Variants in MTMR8 observed in about 807,000 individuals in gnomAD.
The protein encoded by MTMR8 is phosphatidylinositol-3,5-bisphosphate 3-phosphatase MTMR8.
In MTMR8, 65 loss-of-function variants were observed where a neutral mutation model predicts 39.3. The ratio of observed to expected loss-of-function variants is 1.65; its 90% confidence interval spans 1.35 to 2.03. The LOEUF (loss-of-function observed/expected upper bound fraction) is 2.03. Among genes scored for constraint, MTMR8 ranks in the 30% most tolerant of loss-of-function variants. The probability of loss-of-function intolerance (pLI) is 0.00; values close to 1 mark genes in which losing one functional copy is unlikely to be tolerated. For missense variants in MTMR8, 777 were observed against 538.9 expected (o/e 1.44, Z -4.37); for synonymous variants, 245 against 185.2 (o/e 1.32, Z -2.62).
chrX:64,348,853 C>T, intron 5 of MTMR8, 59 bp from the exon 6 acceptor site: 1 of 1,161,588 alleles, frequency 8.6e-7, no homozygotes, highest in East Asian at 3.0e-5. Flanking sequence ...AAAAATCTTT[C>T]TTGACCCTTG....
chrX:64,277,177 C>T (rs1259390354), intron 12 of MTMR8, among the ~76,000 whole-genome samples: 2 of 111,516 alleles, frequency 1.8e-5, no homozygotes, highest in Admixed American at 9.5e-5. Context: ...TACAGCACAC[C>T]AATGGGTCTT....
intron 12 of MTMR8, among the ~76,000 whole-genome samples, chrX:64,311,133 C>T (rs1032065233): frequency 1.8e-5 from 2 of 111,750 alleles, no homozygotes; most frequent in African/African-American, 3.3e-5. Context: ...TAAAAGCATT[C>T]CTATTTCTCC....
At chrX:64,353,105 A>T (rs929989676) in intron 4 of MTMR8, among the ~76,000 whole-genome samples, 2 of 112,035 alleles carry the variant, frequency 1.8e-5, no homozygotes, top group Admixed American at 9.5e-5. Flanking sequence ...ATTTGGGGGA[A>T]ATAAGTCTCT....
intron 12 of MTMR8, among the ~76,000 whole-genome samples, chrX:64,310,631 C>T (rs1464946153): frequency 9.0e-6 from 1 of 111,082 alleles, no homozygotes; most frequent in African/African-American, 3.3e-5. Flanking sequence ...GGTATTTCTC[C>T]TAATGCTATC....
intron 12 of MTMR8, among the ~76,000 whole-genome samples, chrX:64,294,074 C>T (rs1057317864): frequency 6.3e-5 from 7 of 111,643 alleles, no homozygotes; most frequent in African/African-American, 3.3e-5. Context: ...ATTTAAATAA[C>T]GTGTACTGAT....
intron 12 of MTMR8, among the ~76,000 whole-genome samples, chrX:64,312,911 G>A (rs892344341): frequency 8.9e-6 from 1 of 112,412 alleles, no homozygotes; most frequent in Non-Finnish European, 1.9e-5. Flanking sequence ...CCTCAACAGT[G>A]ACCTTAAAAT....
At chrX:64,366,697 C>T (rs1190859240) in intron 1 of MTMR8, among the ~76,000 whole-genome samples, 2 of 111,351 alleles carry the variant, frequency 1.8e-5, no homozygotes, top group Non-Finnish European at 3.8e-5. Context: ...ATTAAAAGAA[C>T]TAGAGAAGCA....
At chrX:64,306,137 A>G (rs974946647) in intron 12 of MTMR8, 3 of 246,113 alleles carry the variant, frequency 1.2e-5, no homozygotes, top group African/African-American at 8.7e-5. Flanking sequence ...AAGTAAAATA[A>G]AGGTTTCACA....
chrX:64,375,123 G>A (rs191765141), intron 1 of MTMR8, among the ~76,000 whole-genome samples: 95 of 109,518 alleles, frequency 8.7e-4, no homozygotes, highest in African/African-American at 3.0e-3. Flanking sequence ...ACTTTTGGGA[G>A]GCCAAGGCAG....
At chrX:64,370,887 T>A (rs1924113450) in intron 1 of MTMR8, among the ~76,000 whole-genome samples, 1 of 111,917 alleles carries the variant, frequency 8.9e-6, no homozygotes, top group South Asian at 3.7e-4. Context: ...GTATGGTGGA[T>A]CAAACCTGTA....
At position 64,349,928 on chromosome X, in the gene MTMR8, T is replaced by A. The variant is rs199727009; in HGVS notation, c.597+14A>T. The A allele has an allele frequency of 2.3e-3, 2,624 of 1,120,731 alleles. 6 individuals carry two copies. Among genetic ancestry groups the A allele is most frequent in the South Asian group, 8.6e-3 (347 of 40,520 alleles). 92.4% of individuals were successfully genotyped at this position (1,120,731 alleles called of 1,213,427 possible). A position where few individuals can be genotyped will look rare whatever the true frequency, so the allele number is the denominator to read the frequency against. On this transcript the variant is annotated intron_variant, in intron 5 of 13. Coordinates refer to ENST00000374852, the MANE Select transcript of MTMR8 (RefSeq NM_017677.4). ...CCATGTTTAATTATCATTAGAGAAA[T>A]CTGCTTAACTTACATTGTTCTCTTT...
chrX:64,371,243 T>C (rs1924124562), intron 1 of MTMR8, among the ~76,000 whole-genome samples: 1 of 112,102 alleles, frequency 8.9e-6, no homozygotes, highest in Admixed American at 9.5e-5. Flanking sequence ...AGAAAAGCAT[T>C]ACAAGCTCAA....
intron 12 of MTMR8, among the ~76,000 whole-genome samples, chrX:64,316,543 G>A (rs1310733521): frequency 9.0e-6 from 1 of 111,378 alleles, no homozygotes; most frequent in Non-Finnish European, 1.9e-5. Context: ...AGCTACTCAG[G>A]AGGCTGAGGC....
intron 1 of MTMR8, among the ~76,000 whole-genome samples, chrX:64,367,944 C>T (rs1377358532): frequency 8.9e-6 from 1 of 111,969 alleles, no homozygotes; most frequent in Non-Finnish European, 1.9e-5. Context: ...GCAAAAATCA[C>T]AAGCATTCCT....
At chrX:64,353,432 G>T (rs1407836764) in intron 4 of MTMR8, among the ~76,000 whole-genome samples, 2 of 111,999 alleles carry the variant, frequency 1.8e-5, no homozygotes, top group Admixed American at 9.5e-5. Flanking sequence ...TATGGAGAAA[G>T]TATCTGAATA....
At chrX:64,379,854 A>G (rs1924364519) in intron 1 of MTMR8, among the ~76,000 whole-genome samples, 1 of 111,739 alleles carries the variant, frequency 8.9e-6, no homozygotes, top group Non-Finnish European at 1.9e-5. Flanking sequence ...GTTTTATTCC[A>G]GGTATGTAAT....
chrX:64,314,660 G>T (rs1338340148), intron 12 of MTMR8, among the ~76,000 whole-genome samples: 1 of 112,892 alleles, frequency 8.9e-6, no homozygotes, highest in African/African-American at 3.2e-5. Flanking sequence ...GCACAGCATG[G>T]TTCAGTGCAT....
intron 12 of MTMR8, among the ~76,000 whole-genome samples, chrX:64,272,034 CA>C (rs756758733): frequency 8.9e-6 from 1 of 111,950 alleles, no homozygotes; most frequent in East Asian, 2.8e-4. Flanking sequence ...ATAACAAAGA[CA>C]GCAGTTTAAA....
intron 1 of MTMR8, among the ~76,000 whole-genome samples, chrX:64,366,251 C>A (rs772399928): frequency 2.7e-5 from 3 of 111,750 alleles, no homozygotes; most frequent in African/African-American, 9.8e-5. Flanking sequence ...TGGCACCAAG[C>A]AGACCTAACA....
Sources: gnomAD v4.1 joint callset for allele counts (sites outside exome capture counted in the v4.1 genomes callset) on GRCh38, gnomAD v4.1.1 for gene constraint, MANE v1.5 for transcripts, NCBI Gene and HGNC (gene_info 2026-07-23, HGNC 2026-07-21) for gene names.